Variants in CWC27 observed in about 807,000 individuals in gnomAD.
CWC27 encodes CWC27 spliceosome associated cyclophilin.
A neutral mutation model predicts 63.6 loss-of-function variants in CWC27; 47 were observed. The observed-to-expected ratio is 0.74, with a 90% CI of 0.58 to 0.94. The LOEUF (loss-of-function observed/expected upper bound fraction) is 0.94, where lower values mean the gene tolerates loss of function less well. Among genes scored for constraint, CWC27 ranks in the 40% least tolerant of loss-of-function variants. CWC27 has a pLI of 0.00. For synonymous variants in CWC27, 175 were observed against 179.8 expected (o/e 0.97, Z 0.22); for missense variants, 495 against 554.3 (o/e 0.89, Z 1.07).
At chr5:64,922,863 C>T (rs143579810) in intron 11 of CWC27, among the ~76,000 whole-genome samples, 8 of 152,260 alleles carry the variant, frequency 5.3e-5, no homozygotes, top group African/African-American at 1.7e-4. Context: ...TAAATGACTT[C>T]GTTTCTGGAT....
At chr5:64,870,481 T>TA (rs746308279) in intron 10 of CWC27, among the ~76,000 whole-genome samples, 36 of 124,408 alleles carry the variant, frequency 2.9e-4, no homozygotes, top group Admixed American at 2.1e-3. Context: ...CTTAAATTGG[T>TA]TAAAAAAAAA....
At chr5:64,994,952 G>A (rs1309544) in intron 13 of CWC27, among the ~76,000 whole-genome samples, 111,047 of 151,544 alleles carry the variant, frequency 0.73, 41,424 homozygotes, top group African/African-American at 0.87. Flanking sequence ...TTGTGGTCAC[G>A]GTTGTTAATT....
intron 11 of CWC27, among the ~76,000 whole-genome samples, chr5:64,942,158 G>A (rs541923048): frequency 3.3e-5 from 5 of 152,020 alleles, no homozygotes; most frequent in African/African-American, 1.2e-4. Context: ...GGGTGCAATG[G>A]TTCATGCCTA....
chr5:65,002,652 G>T (rs1385811766), intron 13 of CWC27, among the ~76,000 whole-genome samples: 1 of 152,052 alleles, frequency 6.6e-6, no homozygotes, highest in Non-Finnish European at 1.5e-5. Flanking sequence ...TAAGAAGATA[G>T]GTGATATGAT....
intron 10 of CWC27, among the ~76,000 whole-genome samples, chr5:64,816,556 T>A (rs1580635434): frequency 6.6e-6 from 1 of 152,150 alleles, no homozygotes; most frequent in African/African-American, 2.4e-5. Flanking sequence ...ACAGATTTGA[T>A]GACTTGAGCT....
At chr5:65,017,656 AAG>A (rs1444578680) in intron 13 of CWC27, among the ~76,000 whole-genome samples, 3 of 152,218 alleles carry the variant, frequency 2.0e-5, no homozygotes, top group Non-Finnish European at 2.9e-5. Flanking sequence ...TTCCCCAGGA[AAG>A]AGAGTCATAA....
Position 64,882,875 on chromosome 5 carries a change from C to T in CWC27, c.939-2568C>T, listed in dbSNP as rs545661878. On this transcript the variant is annotated intron_variant, in intron 10 of 13. Coordinates refer to ENST00000381070, the MANE Select transcript of CWC27 (RefSeq NM_005869.4). ...CCTCCCAAAGTGCTGGGATTACAGG[C>T]GTGAGCCACCACACCCGGCTCCTTT... 1.1e-4 allele frequency among the ~76,000 whole-genome samples: 16 copies of T among 152,290 alleles called. No homozygotes were observed. The South Asian group carries it at 1.5e-3, about 14-fold the overall frequency.
intron 11 of CWC27, among the ~76,000 whole-genome samples, chr5:64,920,209 T>A (rs1335866768): frequency 2.6e-5 from 4 of 152,112 alleles, no homozygotes; most frequent in South Asian, 2.1e-4. Flanking sequence ...CCTCAGGTAA[T>A]CCTTCTGCCA....
Position 64,789,021 on chromosome 5 carries a change from G to T in CWC27, c.669+1G>T, listed in dbSNP as rs1409955425. 5 of 1,599,280 alleles carry T rather than the reference G, an allele frequency of 3.1e-6. No individual in the cohort carries two copies. The highest frequency in any genetic ancestry group is 4.3e-6 in the Non-Finnish European group (5 of 1,171,816). Reference sequence around the variant, plus strand: ...GGAGGAAGTAAATCGAGTTAGTCAGGTAATCTCTAATTTGCCCTTTGTTCT... The same window carrying T: ...GGAGGAAGTAAATCGAGTTAGTCAGTTAATCTCTAATTTGCCCTTTGTTCT... On this transcript the variant is annotated splice_donor_variant, in intron 7 of 13. Transcript: ENST00000381070. LOFTEE classifies it high-confidence loss of function.
chr5:64,870,570 T>C (rs1430091163), intron 10 of CWC27, among the ~76,000 whole-genome samples: 1 of 152,012 alleles, frequency 6.6e-6, no homozygotes, highest in African/African-American at 2.4e-5. Context: ...ACAATGATGA[T>C]TTCTTTTAAT....
chr5:64,825,200 G>A (rs893803698), intron 10 of CWC27, among the ~76,000 whole-genome samples: 1 of 152,168 alleles, frequency 6.6e-6, no homozygotes, highest in African/African-American at 2.4e-5. Context: ...AGGCAACTTG[G>A]AGACCGTATG....
At chr5:64,955,231 T>C (rs996957482) in intron 11 of CWC27, among the ~76,000 whole-genome samples, 5 of 152,278 alleles carry the variant, frequency 3.3e-5, no homozygotes, top group South Asian at 4.1e-4. Flanking sequence ...ATCAACACTT[T>C]ACAAAGTCAT....
chr5:64,913,953 T>C (rs180977205), intron 11 of CWC27, among the ~76,000 whole-genome samples: 7 of 152,200 alleles, frequency 4.6e-5, no homozygotes, highest in African/African-American at 1.7e-4. Context: ...AGACTTGTTA[T>C]AAGACAGTGT....
intron 2 of CWC27, among the ~76,000 whole-genome samples, chr5:64,781,275 G>A (rs1438973673): frequency 6.6e-6 from 1 of 152,096 alleles, no homozygotes; most frequent in African/African-American, 2.4e-5. Flanking sequence ...ACTCAAGTAT[G>A]TATTGTGTTA....
At chr5:64,885,025 C>T (rs550946179) in intron 10 of CWC27, among the ~76,000 whole-genome samples, 1 of 152,262 alleles carries the variant, frequency 6.6e-6, no homozygotes, top group South Asian at 2.1e-4. Context: ...ATGGTAGTCA[C>T]TGGTACCAGT....
chr5:64,845,230 GT>G (rs1282150716), intron 10 of CWC27, among the ~76,000 whole-genome samples: 3 of 152,178 alleles, frequency 2.0e-5, no homozygotes, highest in Non-Finnish European at 4.4e-5. Context: ...AAACTAAATA[GT>G]GAACCTCTAT....
chr5:64,784,848 T>C (rs542850804), intron 4 of CWC27, among the ~76,000 whole-genome samples: 31 of 152,232 alleles, frequency 2.0e-4, no homozygotes, highest in Non-Finnish European at 3.7e-4. Flanking sequence ...CAGCACAGCC[T>C]GTCTGATGTT....
At chr5:64,867,290 G>T (rs887432229) in intron 10 of CWC27, among the ~76,000 whole-genome samples, 1 of 151,984 alleles carries the variant, frequency 6.6e-6, no homozygotes, top group Non-Finnish European at 1.5e-5. Context: ...GAAATAGGAG[G>T]ATATAACTGA....
At chr5:64,832,182 A>C (rs1011052388) in intron 10 of CWC27, among the ~76,000 whole-genome samples, 1 of 151,866 alleles carries the variant, frequency 6.6e-6, no homozygotes, top group African/African-American at 2.4e-5. Context: ...ATTTTGTAAT[A>C]TTGTGCATTA....
Sources: allele counts gnomAD v4.1 joint callset (sites outside exome capture counted in the v4.1 genomes callset), GRCh38; gene constraint gnomAD v4.1.1; transcripts MANE v1.5; gene names NCBI Gene and HGNC (gene_info 2026-07-23, HGNC 2026-07-21).